PRDM1: variants seen among roughly 807,000 people sequenced by gnomAD.
The protein encoded by PRDM1 is PR domain zinc finger protein 1.
PRDM1 carries 13 observed loss-of-function variants against 62.8 expected under a neutral mutation model. That is an observed-to-expected ratio of 0.21 (90% CI 0.13 to 0.33). The LOEUF (loss-of-function observed/expected upper bound fraction) is 0.33. Ranked by LOEUF, PRDM1 falls within the 10% of genes least tolerant of loss-of-function variation. The pLI, the probability that PRDM1 is intolerant of heterozygous loss-of-function variation, is 1.00. For synonymous variants in PRDM1, 396 were observed against 417.6 expected (o/e 0.95, Z 0.63); for missense variants, 895 against 1,058.8 (o/e 0.85, Z 2.15).
intron 1 of PRDM1, among the ~76,000 whole-genome samples, chr6:106,037,954 C>A (rs1455223570): frequency 2.0e-5 from 3 of 146,514 alleles, no homozygotes; most frequent in Non-Finnish European, 4.5e-5. Context: ...ACATTCGAAA[C>A]AAATAATGTG....
chr6:106,023,270 A>T (rs987275019), intron 1 of PRDM1, among the ~76,000 whole-genome samples: 1 of 152,016 alleles, frequency 6.6e-6, no homozygotes, highest in Non-Finnish European at 1.5e-5. Context: ...TTTTTCCTCT[A>T]CTATGGGGTA....
Position 106,106,834 on chromosome 6 carries a change from G to A in PRDM1, c.1903-77G>A. ...TTGCTGGGCGTTGGCCGGTAAGCCT[G>A]CCCCTCCCGTTGGCAACTCTTAATC... On this transcript the variant is annotated intron_variant, in intron 6 of 6. Coordinates refer to ENST00000369096, the MANE Select transcript of PRDM1 (RefSeq NM_001198.4). This position sits in a 1 kb window ranked among gnomAD's most constrained non-coding sequence, Gnocchi z 4.4. 6.9e-7 allele frequency: 1 copy of A among 1,455,916 alleles called. No individual in the cohort carries two copies. Among genetic ancestry groups the A allele is most frequent in the Non-Finnish European group, 9.3e-7 (1 of 1,071,140 alleles). 90.2% of individuals were successfully genotyped at this position (1,455,916 alleles called of 1,614,324 possible).
intron 1 of PRDM1, among the ~76,000 whole-genome samples, chr6:106,053,252 G>A (rs1350548353): frequency 2.6e-5 from 4 of 152,038 alleles, no homozygotes; most frequent in Non-Finnish European, 5.9e-5. Flanking sequence ...CCCCAAAGAA[G>A]AAAAAGCCTT....
chr6:106,102,543 A>T (rs113548891), intron 4 of PRDM1, among the ~76,000 whole-genome samples: 12 of 152,350 alleles, frequency 7.9e-5, no homozygotes, highest in African/African-American at 2.6e-4. Context: ...TTGCATAGAA[A>T]GTTTAAAATT....
rs145824840 is a variant in PRDM1 at position 106,094,668 on chromosome 6, C to T, written c.292-947C>T. ...CTGTAATCTCAGCACTTTGGGAGGCCGAGGTGGGAGGATCGCTTGAGTCCA... is the reference window on the plus strand; with the variant it reads ...CTGTAATCTCAGCACTTTGGGAGGCTGAGGTGGGAGGATCGCTTGAGTCCA... On this transcript the variant is annotated intron_variant, in intron 2 of 6. Transcript: ENST00000369096. 2.2e-3 allele frequency among the ~76,000 whole-genome samples: 332 copies of T among 151,980 alleles called. 4 individuals are homozygous for T. Among genetic ancestry groups the T allele is most frequent in the African/African-American group, 7.3e-3 (303 of 41,428 alleles).
At chr6:106,090,476 A>G (rs1178951030) in intron 2 of PRDM1, among the ~76,000 whole-genome samples, 1 of 152,190 alleles carries the variant, frequency 6.6e-6, no homozygotes, top group African/African-American at 2.4e-5. Flanking sequence ...TGAATGTAAT[A>G]CTGTCTTAAG....
Position 106,105,843 on chromosome 6 carries a change from C to G in PRDM1, c.1683C>G (p.Thr561=), listed in dbSNP as rs1480853899. The change falls in exon 5 of 7, where the codon ACC becomes ACG. Residue 561 remains threonine (T), a synonymous_variant. Coordinates refer to ENST00000369096, the MANE Select transcript of PRDM1 (RefSeq NM_001198.4). ...KNKRNMTGYK[T]LPYPLKKQNG... ...AAAGAAACATGACCGGCTACAAGACCCTTCCCTACCCGCTGAAGAAGCAGA... is the reference window on the plus strand; with the variant it reads ...AAAGAAACATGACCGGCTACAAGACGCTTCCCTACCCGCTGAAGAAGCAGA... 6 of 1,614,172 alleles carry G rather than the reference C, an allele frequency of 3.7e-6. 1 individual carries two copies. The South Asian group carries it at 5.5e-5, about 15-fold the overall frequency.
At chr6:106,078,339 C>A (rs538539701) in intron 1 of PRDM1, 1 of 152,156 alleles carries the variant, frequency 6.6e-6, no homozygotes, top group South Asian at 2.1e-4. Flanking sequence ...TAAAATGAGA[C>A]CCAGTTTAGA....
intron 1 of PRDM1, among the ~76,000 whole-genome samples, chr6:106,035,424 C>T (rs1362225654): frequency 1.3e-5 from 2 of 152,028 alleles, no homozygotes; most frequent in Non-Finnish European, 2.9e-5. Flanking sequence ...GAGTTCAAGA[C>T]CAATCTGGAC....
At chr6:106,086,216 A>G (rs546584676), upstream of PRDM1, 15 of 357,542 alleles carry the variant, frequency 4.2e-5, no homozygotes, top group Admixed American at 3.1e-4. Flanking sequence ...CGGCTGTGCT[A>G]GCAATCTGGG....
In PRDM1 at chr6:106,106,462, A is replaced by G; in HGVS notation, c.1865A>G (p.Tyr622Cys). ...FTQLAHLQKH[Y>C]LVHTGEKPHE... ...CAGCTCGCCCACCTGCAGAAACACTACCTGGTACACACGGGAGAAAAGCCA... is the reference window on the plus strand; with the variant it reads ...CAGCTCGCCCACCTGCAGAAACACTGCCTGGTACACACGGGAGAAAAGCCA... The change falls in exon 6 of 7, where the codon TAC becomes TGC. Residue 622 changes from tyrosine to cysteine, a missense_variant. Around this residue, in one of 4 missense-constraint regions of PRDM1, gnomAD observed 74 missense variants for 172.4 expected, o/e 0.43. Transcript: ENST00000369096. The surrounding 1 kb of genome is among the most constrained non-coding windows in gnomAD (Gnocchi z 4.4). 1 of 1,614,122 alleles carries G rather than the reference A, an allele frequency of 6.2e-7. No individual in the cohort carries two copies. The highest frequency in any genetic ancestry group is 8.5e-7 in the Non-Finnish European group (1 of 1,180,024).
chr6:106,037,628 A>G (rs141700960), intron 1 of PRDM1, among the ~76,000 whole-genome samples: 4 of 152,122 alleles, frequency 2.6e-5, no homozygotes, highest in Non-Finnish European at 5.9e-5. Flanking sequence ...CTGCCTGCAC[A>G]AATCTGGCCA....
At chr6:106,101,364 T>G (rs1338946017) in intron 4 of PRDM1, among the ~76,000 whole-genome samples, 1 of 152,198 alleles carries the variant, frequency 6.6e-6, no homozygotes. Context: ...GCGTTTTTAT[T>G]CCTCAAAGAA....
chr6:106,105,396 G>A lies in PRDM1; in HGVS notation c.1236G>A (p.Lys412=). ...FIPSYNAHYP[K]FLLPPYGMNC... Reference sequence around the variant, plus strand: ...CCTCGTACAACGCTCACTACCCCAAGTTCCTCTTGCCCCCCTACGGCATGA... The same window carrying A: ...CCTCGTACAACGCTCACTACCCCAAATTCCTCTTGCCCCCCTACGGCATGA... Residue 412 remains lysine, a synonymous_variant, in exon 5 of 7, where the codon AAG becomes AAA. Coordinates refer to ENST00000369096, the MANE Select transcript of PRDM1 (RefSeq NM_001198.4). 1 of 1,614,146 alleles carries A rather than the reference G, an allele frequency of 6.2e-7. No individual in the cohort carries two copies. The highest frequency in any genetic ancestry group is 8.5e-7 in the Non-Finnish European group (1 of 1,180,028).
rs901363674 is a variant in PRDM1 at position 106,108,031 on chromosome 6, CCTCT to C, written c.*552_*555del. On this transcript the variant is annotated 3_prime_UTR_variant, in exon 7 of 7. Coordinates refer to ENST00000369096, the MANE Select transcript of PRDM1 (RefSeq NM_001198.4). ...TAAACAAATATATGACTTCAGTCAACCTCTCTCTCTAATAATGGTTTGAAAATGA... is the reference window on the plus strand; with the variant it reads ...TAAACAAATATATGACTTCAGTCAACCTCTCTAATAATGGTTTGAAAATGA... The C allele has an allele frequency of 1.3e-5, 3 of 232,660 alleles. No homozygotes were observed. The highest frequency in any genetic ancestry group is 6.6e-5 in the African/African-American group (3 of 45,222). The allele number at this position is 232,660 out of a possible 1,614,324, so 14.4% of individuals were successfully genotyped here. A position where few individuals can be genotyped will look rare whatever the true frequency, so the allele number is the denominator to read the frequency against.
At position 105,995,354 on chromosome 6, in the gene PRDM1, C is replaced by T. The variant is rs572431559; in HGVS notation, c.-67+1715C>T. ...TTTCTTTTCTACCTTTTAACAGAACCTTCTAGGAAAAGTGTTTTTTAAAGT... is the reference window on the plus strand; with the variant it reads ...TTTCTTTTCTACCTTTTAACAGAACTTTCTAGGAAAAGTGTTTTTTAAAGT... On this transcript the variant is annotated intron_variant, in intron 1 of 6. Transcript: ENST00000652320. Among the ~76,000 whole-genome samples, 16 of 152,292 alleles carry T rather than the reference C, an allele frequency of 1.1e-4. No individual in the cohort carries two copies. In the East Asian group the frequency reaches 3.1e-3, roughly 29 times the overall value.
At chr6:106,102,507 A>G (rs780959636) in intron 4 of PRDM1, among the ~76,000 whole-genome samples, 4 of 152,236 alleles carry the variant, frequency 2.6e-5, no homozygotes, top group Non-Finnish European at 5.9e-5. Context: ...TGAGTTTACT[A>G]TATACTAGGC....
At chr6:106,006,019 C>A (rs1562142689) in intron 1 of PRDM1, among the ~76,000 whole-genome samples, 1 of 152,152 alleles carries the variant, frequency 6.6e-6, no homozygotes, top group Non-Finnish European at 1.5e-5. Context: ...GCACTTCTAG[C>A]CTTTTCAGTT....
upstream of PRDM1, among the ~76,000 whole-genome samples, chr6:106,083,428 G>T (rs569819437): frequency 6.6e-6 from 1 of 152,024 alleles, no homozygotes; most frequent in South Asian, 2.1e-4. Flanking sequence ...TCCCCAAGTG[G>T]AGTTCAGGTC....
Sources: gnomAD v4.1 joint callset for allele counts (sites outside exome capture counted in the v4.1 genomes callset) on GRCh38, gnomAD v4.1.1 for gene constraint, gnomAD v4.1.1 regional missense constraint, Gnocchi (gnomAD v3.1) non-coding constraint, MANE v1.5 for transcripts, NCBI Gene and HGNC (gene_info 2026-07-23, HGNC 2026-07-21) for gene names.